The following INTS15 variants were observed in gnomAD, a reference collection of about 807,000 sequenced individuals.
The protein encoded by INTS15 is uncharacterized protein C7orf26.
At chr7:6,593,313 T>G in the INTS15 span, among the ~76,000 whole-genome samples, 1 of 151,564 alleles carries the variant, frequency 6.6e-6, no homozygotes, top group Admixed American at 6.6e-5. Context: ...GTGGGACAAA[T>G]TTGGTCTGTG....
chr7:6,603,715 T>G, the INTS15 span, among the ~76,000 whole-genome samples: 4 of 152,122 alleles, frequency 2.6e-5, no homozygotes, highest in Non-Finnish European at 5.9e-5. Flanking sequence ...GGCGGGTGCC[T>G]GTAATCCCAG....
At chr7:6,608,353 G>T in the INTS15 span, 1 of 1,423,556 alleles carries the variant, frequency 7.0e-7, no homozygotes, top group Non-Finnish European at 9.2e-7. Context: ...ATTGGATGGT[G>T]GAGGGAAGAG....
the INTS15 span, chr7:6,591,623 C>A: frequency 6.2e-7 from 1 of 1,604,312 alleles, no homozygotes; most frequent in Non-Finnish European, 8.5e-7. Flanking sequence ...TTTCTTAACG[C>A]TTTTCCGGGA....
the INTS15 span, chr7:6,602,650 TC>T: frequency 2.1e-6 from 1 of 470,812 alleles, no homozygotes; most frequent in Non-Finnish European, 4.4e-6. Context: ...GTGATACTGT[TC>T]CCTGACTCAC....
chr7:6,591,947 G>A, the INTS15 span: 26 of 1,343,602 alleles, frequency 1.9e-5, no homozygotes, highest in Non-Finnish European at 2.6e-5. Flanking sequence ...TGAGGTGGGC[G>A]GATCACTTGA....
chr7:6,607,607 G>C, the INTS15 span: 2 of 1,400,652 alleles, frequency 1.4e-6, no homozygotes, highest in Non-Finnish European at 1.9e-6. The surrounding 1 kb of genome is among the most constrained non-coding windows in gnomAD (Gnocchi z 6.0). Flanking sequence ...GGTAGGGCGC[G>C]GTCATTCTCG....
chr7:6,602,063 C>T, the INTS15 span: 4 of 1,591,634 alleles, frequency 2.5e-6, no homozygotes, highest in African/African-American at 4.0e-5. Context: ...CGTGTTGTCT[C>T]CAGTATGTTC....
At chr7:6,608,298 C>CG in the INTS15 span, 2 of 1,449,828 alleles carry the variant, frequency 1.4e-6, no homozygotes, top group East Asian at 5.0e-5. Flanking sequence ...CTTGGTGTCA[C>CG]GGAGTCCAGG....
At chr7:6,590,488 A>G in the INTS15 span, 2 of 1,560,650 alleles carry the variant, frequency 1.3e-6, no homozygotes, top group Non-Finnish European at 1.7e-6. Flanking sequence ...GCGGCCTGAG[A>G]CGGTCGGGTT....
At chr7:6,602,274 G>A in the INTS15 span, 1 of 665,186 alleles carries the variant, frequency 1.5e-6, no homozygotes. Flanking sequence ...TGGAGCATCA[G>A]AAAACGCACG....
the INTS15 span, among the ~76,000 whole-genome samples, chr7:6,597,848 C>T: frequency 1.6e-3 from 249 of 152,322 alleles, no homozygotes; most frequent in Non-Finnish European, 2.4e-3. Context: ...CTGTTGGGCA[C>T]TTCTGGTAAC....
At chr7:6,599,773 C>A in the INTS15 span, 1 of 1,556,576 alleles carries the variant, frequency 6.4e-7, no homozygotes, top group Non-Finnish European at 8.8e-7. Context: ...CTCTCCACTT[C>A]CCGCCCCTGT....
At chr7:6,607,721 C>T in the INTS15 span, 2 of 1,514,122 alleles carry the variant, frequency 1.3e-6, no homozygotes. This position sits in a 1 kb window ranked among gnomAD's most constrained non-coding sequence, Gnocchi z 6.0. Context: ...CCCGGGAGTG[C>T]TACGGCCGGA....
the INTS15 span, among the ~76,000 whole-genome samples, chr7:6,593,649 GT>G: frequency 0.37 from 48,789 of 130,400 alleles, 8,678 homozygotes; most frequent in African/African-American, 0.49. Flanking sequence ...GTGTTTTTCT[GT>G]TTTTTTTTTT....
At chr7:6,602,622 C>A in the INTS15 span, 3 of 465,716 alleles carry the variant, frequency 6.4e-6, no homozygotes, top group South Asian at 4.7e-5. Context: ...CCTCAGCTTA[C>A]CCCGTTGTAA....
At chr7:6,602,001 G>A in the INTS15 span, 11 of 1,039,254 alleles carry the variant, frequency 1.1e-5, no homozygotes, top group Admixed American at 7.5e-5. Context: ...AGTATGAGGC[G>A]CTCTTGCTGT....
At chr7:6,600,144 T>C in the INTS15 span, 1 of 1,614,216 alleles carries the variant, frequency 6.2e-7, no homozygotes, top group Non-Finnish European at 8.5e-7. Flanking sequence ...CAAGTGCTCA[T>C]GACGCTGCAG....
At chr7:6,599,929 G>A in the INTS15 span, 10 of 1,614,140 alleles carry the variant, frequency 6.2e-6, no homozygotes, top group African/African-American at 2.7e-5. Flanking sequence ...CTCCGATTGC[G>A]GCCAATCTGC....
the INTS15 span, chr7:6,607,819 C>T: frequency 6.7e-7 from 1 of 1,497,946 alleles, no homozygotes; most frequent in South Asian, 1.3e-5. This position sits in a 1 kb window ranked among gnomAD's most constrained non-coding sequence, Gnocchi z 6.0. Flanking sequence ...TCTCCGTGTC[C>T]ACCGCCTGGA....
Sources: allele counts gnomAD v4.1 joint callset (sites outside exome capture counted in the v4.1 genomes callset), GRCh38; gene constraint gnomAD v4.1.1; non-coding constraint Gnocchi (gnomAD v3.1); transcripts MANE v1.5; gene names NCBI Gene and HGNC (gene_info 2026-07-23, HGNC 2026-07-21).